Variants in MYBPC1 observed in about 807,000 individuals in gnomAD.
MYBPC1 encodes myosin-binding protein C, slow-type.
A neutral mutation model predicts 147.1 loss-of-function variants in MYBPC1; 52 were observed. The ratio of observed to expected loss-of-function variants is 0.35; its 90% CI spans 0.28 to 0.45. The LOEUF is 0.45. Ranked by LOEUF, MYBPC1 falls within the 20% of genes least tolerant of loss-of-function variation. The pLI is 1.00. For synonymous variants in MYBPC1, 477 were observed against 475.9 expected (o/e 1.00, Z -0.03); for missense variants, 1,228 against 1,440.3 (o/e 0.85, Z 2.39).
chr12:101,690,627 C>G (rs1312191492), downstream of MYBPC1, among the ~76,000 whole-genome samples: 1 of 152,168 alleles, frequency 6.6e-6, no homozygotes, highest in East Asian at 1.9e-4. Flanking sequence ...AGGGTATAAA[C>G]AAGACCCAAT....
At chr12:101,602,134 G>C (rs974170950) in intron 1 of MYBPC1, among the ~76,000 whole-genome samples, 18 of 152,156 alleles carry the variant, frequency 1.2e-4, no homozygotes, top group Admixed American at 1.2e-3. Context: ...TTCCTCATCT[G>C]TATGTGAATA....
At chr12:101,687,031 ATT>A (rs911623556), downstream of MYBPC1, among the ~76,000 whole-genome samples, 3 of 151,806 alleles carry the variant, frequency 2.0e-5, no homozygotes, top group African/African-American at 7.3e-5. Flanking sequence ...CACCAATTTT[ATT>A]TTATTTTATT....
chr12:101,652,527 TCTC>T lies in MYBPC1; in HGVS notation c.1527-150_1527-148del. The T allele has an allele frequency of 4.9e-5, 13 of 265,694 alleles. 1 individual carries two copies. In the East Asian group the frequency reaches 9.2e-4, roughly 19 times the overall value. The allele number at this position is 265,694 out of a possible 1,614,324, so 16.5% of individuals were successfully genotyped here. A position where few individuals can be genotyped will look rare whatever the true frequency, so the allele number is the denominator to read the frequency against. ...GTAGGATAATTAAGGCTTCTCATCC[TCTC>T]TCTCTCTCTCTCTCTTTCTCTCTCT... On this transcript the variant is annotated intron_variant, in intron 16 of 31. Coordinates refer to ENST00000361466, the MANE Select transcript of MYBPC1 (RefSeq NM_002465.4).
At chr12:101,627,161 G>C (rs941556469) in intron 4 of MYBPC1, among the ~76,000 whole-genome samples, 3 of 152,050 alleles carry the variant, frequency 2.0e-5, no homozygotes, top group Admixed American at 2.0e-4. Flanking sequence ...TAAATGTTAG[G>C]GGTCAACATA....
At chr12:101,636,621 G>A (rs1891033061) in intron 9 of MYBPC1, 51 bp from the exon 10 acceptor site, 4 of 1,492,238 alleles carry the variant, frequency 2.7e-6, no homozygotes, top group Admixed American at 1.7e-5. Context: ...GGAAATTGTT[G>A]TGTATGTCTC....
chr12:101,680,541 A>G lies in MYBPC1; in HGVS notation c.3433+12A>G. On this transcript the variant is annotated intron_variant, in intron 29 of 31. Coordinates refer to ENST00000361466, the MANE Select transcript of MYBPC1 (RefSeq NM_002465.4). The stretch of plus-strand genomic sequence containing the variant: ...ACTGGAGGTGAAAGGTATGACATCC[A>G]ATATCTCACGTATAGACTAAAGTTA... 1 of 1,612,128 alleles carries G rather than the reference A, an allele frequency of 6.2e-7. No individual in the cohort carries two copies. The highest frequency in any genetic ancestry group is 2.2e-5 in the East Asian group (1 of 44,874).
At chr12:101,604,733 T>G (rs825081) in intron 1 of MYBPC1, among the ~76,000 whole-genome samples, 83,460 of 151,964 alleles carry the variant, frequency 0.55, 24,827 homozygotes, top group African/African-American at 0.79. Flanking sequence ...TTGAATTTCT[T>G]TCCAATTTTT....
At chr12:101,616,564 C>G (rs1242381613) in intron 2 of MYBPC1, among the ~76,000 whole-genome samples, 1 of 152,108 alleles carries the variant, frequency 6.6e-6, no homozygotes, top group Non-Finnish European at 1.5e-5. Context: ...CTTACTGATT[C>G]CATAAGTCAG....
intron 1 of MYBPC1, among the ~76,000 whole-genome samples, chr12:101,614,156 C>T (rs771688767): frequency 6.6e-6 from 1 of 152,128 alleles, no homozygotes; most frequent in African/African-American, 2.4e-5. Flanking sequence ...AGTAAATGCC[C>T]GGCCTGCCTC....
At chr12:101,662,941 G>T (rs1896820715) in intron 21 of MYBPC1, among the ~76,000 whole-genome samples, 1 of 152,000 alleles carries the variant, frequency 6.6e-6, no homozygotes, top group African/African-American at 2.4e-5. Flanking sequence ...GGTTCAACAG[G>T]CTACACTTGG....
chr12:101,692,705 T>C, the MYBPC1 span, among the ~76,000 whole-genome samples: 1,791 of 152,240 alleles, frequency 0.012, 43 homozygotes, highest in East Asian at 0.055. Context: ...TCAATCACTA[T>C]GTAACAAACC....
At chr12:101,631,420 A>T in intron 6 of MYBPC1, 151 bp from the exon 7 acceptor site, 1 of 907,710 alleles carries the variant, frequency 1.1e-6, no homozygotes. Flanking sequence ...TAGAGCATTC[A>T]TAAAAAAATC....
At chr12:101,693,137 A>G in the MYBPC1 span, among the ~76,000 whole-genome samples, 68 of 152,048 alleles carry the variant, frequency 4.5e-4, no homozygotes, top group South Asian at 0.01. Context: ...TAGTAGAGAC[A>G]GGGCTTCACC....
At chr12:101,658,766 C>A (rs76688318) in intron 18 of MYBPC1, among the ~76,000 whole-genome samples, 9 of 152,078 alleles carry the variant, frequency 5.9e-5, no homozygotes, top group Non-Finnish European at 8.8e-5. Flanking sequence ...TGTTCTATTA[C>A]AAAATGGAAG....
At chr12:101,682,369 G>A (rs886196029) in intron 29 of MYBPC1, among the ~76,000 whole-genome samples, 1 of 152,046 alleles carries the variant, frequency 6.6e-6, no homozygotes, top group Non-Finnish European at 1.5e-5. Context: ...GTAGTAAATG[G>A]TACAGTAATT....
At chr12:101,595,275 T>C (rs1444146201) in intron 1 of MYBPC1, among the ~76,000 whole-genome samples, 180 bp downstream of exon 1, 1 of 152,182 alleles carries the variant, frequency 6.6e-6, no homozygotes, top group African/African-American at 2.4e-5. Flanking sequence ...GTATATTGAA[T>C]TGAAAAATTT....
chr12:101,625,771 T>C (rs1888438765), intron 3 of MYBPC1, among the ~76,000 whole-genome samples: 1 of 152,180 alleles, frequency 6.6e-6, no homozygotes, highest in Admixed American at 6.5e-5. Flanking sequence ...TTAATAGAGA[T>C]GGTCTTCCAA....
At chr12:101,630,614 A>C (rs1250854836) in intron 6 of MYBPC1, among the ~76,000 whole-genome samples, 2 of 152,208 alleles carry the variant, frequency 1.3e-5, no homozygotes, top group African/African-American at 2.4e-5. Context: ...GAGACAGCTG[A>C]TTGGGCAAAT....
intron 3 of MYBPC1, among the ~76,000 whole-genome samples, chr12:101,623,478 T>C (rs1191734849): frequency 6.6e-6 from 1 of 152,230 alleles, no homozygotes; most frequent in Non-Finnish European, 1.5e-5. Flanking sequence ...TTTTCTTCAT[T>C]TTAGTTTCAT....
Sources: allele counts gnomAD v4.1 joint callset (sites outside exome capture counted in the v4.1 genomes callset), GRCh38; gene constraint gnomAD v4.1.1; transcripts MANE v1.5; gene names NCBI Gene and HGNC (gene_info 2026-07-23, HGNC 2026-07-21).